The following RLN2 variants were observed in gnomAD, a reference collection of about 807,000 sequenced individuals.
RLN2 encodes the protein relaxin 2.
Under a neutral mutation model 7.3 loss-of-function variants are expected in RLN2, and 10 were observed. The ratio of observed to expected loss-of-function variants is 1.36; its 90% CI spans 0.84 to 2.31. RLN2 has a LOEUF of 2.31. Among genes scored for constraint, RLN2 ranks in the 30% most tolerant of loss-of-function variants. The probability of loss-of-function intolerance (pLI) is 0.00; values close to 1 mark genes in which losing one functional copy is unlikely to be tolerated. For missense variants in RLN2, 298 were observed against 217.6 expected (o/e 1.37, Z -2.32); for synonymous variants, 103 against 82.3 (o/e 1.25, Z -1.36).
the RLN2 span, among the ~76,000 whole-genome samples, chr9:5,325,181 G>A: frequency 6.6e-6 from 1 of 151,770 alleles, no homozygotes; most frequent in Admixed American, 6.6e-5. Context: ...GGCCGATAGG[G>A]GAATTTAAGG....
chr9:5,319,773 T>C, the RLN2 span, among the ~76,000 whole-genome samples: 3 of 151,986 alleles, frequency 2.0e-5, no homozygotes, highest in African/African-American at 7.3e-5. Flanking sequence ...TCTGACCATC[T>C]CTCTGTGTAA....
chr9:5,314,055 T>G, the RLN2 span, among the ~76,000 whole-genome samples: 1,483 of 152,102 alleles, frequency 9.8e-3, 35 homozygotes, highest in African/African-American at 0.034. Flanking sequence ...TGGTGACCCC[T>G]GCAGTTCTCA....
the RLN2 span, among the ~76,000 whole-genome samples, chr9:5,330,097 T>C: frequency 1.3e-5 from 2 of 151,916 alleles, no homozygotes; most frequent in South Asian, 2.1e-4. Flanking sequence ...GAACTCAGGA[T>C]TAAGAAACTC....
At chr9:5,328,125 G>A in the RLN2 span, among the ~76,000 whole-genome samples, 1 of 151,888 alleles carries the variant, frequency 6.6e-6, no homozygotes, top group African/African-American at 2.4e-5. Flanking sequence ...AGCTAAAGGA[G>A]CATGTTCTAA....
the RLN2 span, among the ~76,000 whole-genome samples, chr9:5,327,608 G>A: frequency 2.0e-5 from 3 of 152,080 alleles, no homozygotes; most frequent in Non-Finnish European, 1.5e-5. Context: ...TCCTCAAGCA[G>A]GTCCCTGACC....
At position 5,300,116 on chromosome 9, in the gene RLN2, A is replaced by G. The variant is rs1414051279; in HGVS notation, c.540T>C (p.Ser180=). ...KCCHVGCTKR[S]LARFC is the part of the protein sequence containing the mutation. Reference sequence around the variant, plus strand: ...CTTCATCTCAGCAAAATCTAGCAAGAGATCTTTTGGTACAACCAACATGGC... The same window carrying G: ...CTTCATCTCAGCAAAATCTAGCAAGGGATCTTTTGGTACAACCAACATGGC... Residue 180 remains serine (S), a synonymous_variant, in exon 2 of 2, where the codon TCT becomes TCC. Coordinates refer to ENST00000381627, the MANE Select transcript of RLN2 (RefSeq NM_134441.3). The G allele has an allele frequency of 6.3e-7, 1 of 1,596,360 alleles. No homozygotes were observed. Among genetic ancestry groups the G allele is most frequent in the Non-Finnish European group, 8.5e-7 (1 of 1,173,526 alleles).
At chr9:5,315,419 AC>A in the RLN2 span, among the ~76,000 whole-genome samples, 2 of 151,790 alleles carry the variant, frequency 1.3e-5, no homozygotes, top group Non-Finnish European at 2.9e-5. Context: ...AAAAAAAAAA[AC>A]GAAAAGTGTG....
At chr9:5,331,629 G>A in the RLN2 span, among the ~76,000 whole-genome samples, 1 of 137,264 alleles carries the variant, frequency 7.3e-6, no homozygotes, top group Non-Finnish European at 1.5e-5. Context: ...AGAACACATG[G>A]ACACAGGGTG....
At chr9:5,304,822 G>A (rs879796884), upstream of RLN2, 6 of 554,190 alleles carry the variant, frequency 1.1e-5, no homozygotes, top group Admixed American at 1.9e-4. Context: ...CTCCCTCTCT[G>A]CCTTTCCTTC....
the RLN2 span, among the ~76,000 whole-genome samples, chr9:5,322,526 CTT>C: frequency 2.0e-5 from 3 of 151,874 alleles, no homozygotes; most frequent in East Asian, 1.9e-4. Context: ...TGTGATCTTC[CTT>C]TTTTTTGTAG....
the RLN2 span, among the ~76,000 whole-genome samples, chr9:5,317,065 AGAT>A: frequency 6.6e-6 from 1 of 152,060 alleles, no homozygotes; most frequent in Non-Finnish European, 1.5e-5. Flanking sequence ...AGAAAACAAA[AGAT>A]AATAGCAGAT....
chr9:5,314,754 T>C, the RLN2 span, among the ~76,000 whole-genome samples: 1 of 151,970 alleles, frequency 6.6e-6, no homozygotes. Flanking sequence ...CCTCTGCTAT[T>C]CCAGGGTCCT....
At chr9:5,336,943 T>G in the RLN2 span, among the ~76,000 whole-genome samples, 1 of 152,018 alleles carries the variant, frequency 6.6e-6, no homozygotes, top group East Asian at 1.9e-4. Flanking sequence ...GTTGTTCTCC[T>G]TTTACCAACA....
rs1301706563 is a variant in RLN2, at chr9:5,300,411, T to G, written c.245A>C (p.Glu82Ala). The G allele has an allele frequency of 6.2e-7, 1 of 1,609,928 alleles. No homozygotes were observed. Among genetic ancestry groups the G allele is most frequent in the East Asian group, 2.2e-5 (1 of 44,852 alleles). ...IVPSFINKDT[E>A]TINMMSEFVA... is the part of the protein sequence containing the mutation. ...AAATTCTGACATCATATTTATGGTT[T>G]CTGTATCTTTGTTGATGAAGGATGG... The change falls in exon 2 of 2, where the codon GAA becomes GCA. Residue 82 changes from glutamate (E) to alanine (A), a missense_variant. Coordinates refer to ENST00000381627, the MANE Select transcript of RLN2 (RefSeq NM_134441.3).
At chr9:5,312,617 A>G in the RLN2 span, among the ~76,000 whole-genome samples, 1 of 152,114 alleles carries the variant, frequency 6.6e-6, no homozygotes, top group African/African-American at 2.4e-5. Context: ...AAGGGAGTAT[A>G]AAAGTTGTTG....
chr9:5,327,092 G>A, the RLN2 span, among the ~76,000 whole-genome samples: 1 of 151,972 alleles, frequency 6.6e-6, no homozygotes, highest in African/African-American at 2.4e-5. Flanking sequence ...AGGGCGAGGT[G>A]TCACCTCACC....
chr9:5,307,722 G>A (rs1273251841), upstream of RLN2, among the ~76,000 whole-genome samples: 3 of 152,008 alleles, frequency 2.0e-5, no homozygotes, highest in African/African-American at 7.3e-5. Context: ...ATTTCATAGA[G>A]CACTCCTTTC....
chr9:5,325,547 A>G, the RLN2 span, among the ~76,000 whole-genome samples: 7 of 152,068 alleles, frequency 4.6e-5, no homozygotes, highest in Admixed American at 3.3e-4. Flanking sequence ...CTGTATCACA[A>G]AGAAAGATTA....
upstream of RLN2, chr9:5,304,876 T>C (rs777745507): frequency 1.0e-5 from 4 of 396,210 alleles, no homozygotes; most frequent in Non-Finnish European, 1.8e-5. Flanking sequence ...AGTTGTGTTC[T>C]TCTCATTCAT....
Sources: gnomAD v4.1 joint callset for allele counts (sites outside exome capture counted in the v4.1 genomes callset) on GRCh38, gnomAD v4.1.1 for gene constraint, MANE v1.5 for transcripts, NCBI Gene and HGNC (gene_info 2026-07-23, HGNC 2026-07-21) for gene names.